The following STT3B variants were observed in gnomAD, a reference collection of about 807,000 sequenced individuals.
STT3B encodes the protein STT3 oligosaccharyltransferase complex catalytic subunit B.
In STT3B, 29 loss-of-function variants were observed where a neutral mutation model predicts 96.8. That is an observed-to-expected ratio of 0.30 (90% CI 0.22 to 0.41). The LOEUF is 0.41. Ranked by LOEUF, STT3B falls within the 10% of genes least tolerant of loss-of-function variation. STT3B has a pLI of 1.00. For synonymous variants in STT3B, 367 were observed against 360.0 expected (o/e 1.02, Z -0.22); for missense variants, 640 against 1,022.3 (o/e 0.63, Z 5.10).
At chr3:31,635,825 A>T (rs1699744948) in intron 15 of STT3B, among the ~76,000 whole-genome samples, 159 bp from the exon 16 acceptor site, 1 of 152,154 alleles carries the variant, frequency 6.6e-6, no homozygotes, top group Non-Finnish European at 1.5e-5. Context: ...AACACCACTA[A>T]CAGTTTAGTG....
At position 31,636,144 on chromosome 3, in the gene STT3B, C is replaced by T. The variant is rs1699751098; in HGVS notation, c.*80C>T. 2.7e-6 allele frequency: 3 copies of T among 1,117,722 alleles called. No homozygotes were observed. The highest frequency in any genetic ancestry group is 3.8e-6 in the Non-Finnish European group (3 of 781,568). 69.2% of individuals were successfully genotyped at this position (1,117,722 alleles called of 1,614,324 possible). A position where few individuals can be genotyped will look rare whatever the true frequency, so the allele number is the denominator to read the frequency against. On this transcript the variant is annotated 3_prime_UTR_variant, in exon 16 of 16. Transcript: ENST00000295770. ...TGCCTTTAGCTCATGTCGTGTTTCA[C>T]AGCAAAGAGGGTACAGAACCATCAC...
chr3:31,557,814 A>G (rs1697759553), intron 1 of STT3B, among the ~76,000 whole-genome samples: 2 of 151,990 alleles, frequency 1.3e-5, no homozygotes, highest in Admixed American at 6.5e-5. Flanking sequence ...TCACATTTTT[A>G]GTAGAGACAG....
At chr3:31,629,274 G>C in intron 13 of STT3B, 24 bp from the exon 14 acceptor site, 1 of 1,288,666 alleles carries the variant, frequency 7.8e-7, no homozygotes, top group Non-Finnish European at 1.1e-6. Flanking sequence ...AACTAACATA[G>C]AACTTGTGGT....
intron 1 of STT3B, among the ~76,000 whole-genome samples, chr3:31,552,216 G>A (rs960766163): frequency 1.3e-5 from 2 of 152,182 alleles, no homozygotes; most frequent in Non-Finnish European, 2.9e-5. Context: ...AATACCCTTC[G>A]TAAACCTTTC....
chr3:31,572,524 C>G (rs2125450299), intron 1 of STT3B, among the ~76,000 whole-genome samples: 1 of 152,170 alleles, frequency 6.6e-6, no homozygotes, highest in African/African-American at 2.4e-5. Flanking sequence ...ATTGTTCTTA[C>G]TATTGACTAA....
intron 5 of STT3B, among the ~76,000 whole-genome samples, chr3:31,606,171 A>T (rs987547049): frequency 2.6e-5 from 4 of 152,214 alleles, no homozygotes; most frequent in African/African-American, 9.6e-5. Context: ...TAAAAGGGAA[A>T]CAGAGCATAA....
At chr3:31,538,936 G>T (rs1279108061) in intron 1 of STT3B, among the ~76,000 whole-genome samples, 1 of 152,078 alleles carries the variant, frequency 6.6e-6, no homozygotes, top group Non-Finnish European at 1.5e-5. Flanking sequence ...ATACTGTAGG[G>T]TTTTTTGTTT....
At chr3:31,604,034 TA>T (rs1269026329) in intron 5 of STT3B, among the ~76,000 whole-genome samples, 1 of 152,172 alleles carries the variant, frequency 6.6e-6, no homozygotes, top group African/African-American at 2.4e-5. Context: ...ATTAGGTTAG[TA>T]ATTTAAGCAC....
intron 3 of STT3B, among the ~76,000 whole-genome samples, chr3:31,594,617 A>G (rs924711321): frequency 2.0e-5 from 3 of 151,876 alleles, no homozygotes; most frequent in Non-Finnish European, 4.4e-5. Flanking sequence ...TTTAGTAGAG[A>G]CGGGGTTTCA....
In STT3B at chr3:31,553,197, A is replaced by C. The variant is rs988206082; in HGVS notation, c.314+19885A>C. ...AGTGTAAATGGTAACTATTTTGGAG[A>C]ACTGTTTAGTATTTCTTAAATACGT... On this transcript the variant is annotated intron_variant, in intron 1 of 15. Transcript: ENST00000295770. Among the ~76,000 whole-genome samples, 4 of 152,198 alleles carry C rather than the reference A, an allele frequency of 2.6e-5. No individual in the cohort carries two copies. In the East Asian group the frequency reaches 7.7e-4, roughly 29 times the overall value.
chr3:31,575,324 C>G (rs988949364), intron 1 of STT3B, among the ~76,000 whole-genome samples: 1 of 151,976 alleles, frequency 6.6e-6, no homozygotes, highest in Non-Finnish European at 1.5e-5. Context: ...ATTAATAACT[C>G]TTTCAGAGTT....
intron 5 of STT3B, among the ~76,000 whole-genome samples, chr3:31,611,646 G>A (rs528511616): frequency 4.6e-5 from 7 of 152,058 alleles, no homozygotes; most frequent in South Asian, 2.1e-4. Context: ...ACAGGCACGC[G>A]CCACCACACC....
At chr3:31,631,188 G>A (rs962937279) in intron 14 of STT3B, among the ~76,000 whole-genome samples, 8 of 152,094 alleles carry the variant, frequency 5.3e-5, no homozygotes, top group African/African-American at 1.9e-4. Context: ...CTGTGTTCCT[G>A]TTTGTTGTGT....
At chr3:31,601,264 C>A (rs1207086820) in intron 5 of STT3B, among the ~76,000 whole-genome samples, 4 of 152,068 alleles carry the variant, frequency 2.6e-5, no homozygotes, top group African/African-American at 9.7e-5. Flanking sequence ...TTTATAGCAG[C>A]ATTTATTGTG....
At chr3:31,594,909 C>T (rs1698752046) in intron 3 of STT3B, among the ~76,000 whole-genome samples, 1 of 152,140 alleles carries the variant, frequency 6.6e-6, no homozygotes, top group Admixed American at 6.5e-5. Context: ...AGTTGGGGTG[C>T]ACCACCATCC....
intron 1 of STT3B, among the ~76,000 whole-genome samples, chr3:31,540,257 G>A (rs184653414): frequency 6.6e-4 from 101 of 152,214 alleles, no homozygotes; most frequent in African/African-American, 2.3e-3. Flanking sequence ...TAAAAAAATT[G>A]TGTGTACTGG....
chr3:31,635,911 C>A, intron 15 of STT3B, 73 bp from the exon 16 acceptor site: 1 of 1,115,692 alleles, frequency 9.0e-7, no homozygotes, highest in Non-Finnish European at 1.3e-6. Flanking sequence ...GTTCAGTAAA[C>A]CATGTGTGTG....
chr3:31,600,185 G>A lies in STT3B; in HGVS notation c.778-175G>A, dbSNP rs527795373. Among the ~76,000 whole-genome samples, 4 of 152,094 alleles carry A rather than the reference G, an allele frequency of 2.6e-5. No homozygotes were observed. In the East Asian group the frequency reaches 7.7e-4, roughly 29 times the overall value. ...ATTTGTGGGATCGTGTTATTTTAAT[G>A]ATCAATAAAAATGAGGAATACGTTC... On this transcript the variant is annotated intron_variant, in intron 4 of 15. Transcript: ENST00000295770.
At chr3:31,536,334 A>G (rs1697097777) in intron 1 of STT3B, among the ~76,000 whole-genome samples, 1 of 152,228 alleles carries the variant, frequency 6.6e-6, no homozygotes, top group African/African-American at 2.4e-5. Context: ...GATCACCATC[A>G]TATCATATAG....
Sources: allele counts gnomAD v4.1 joint callset (sites outside exome capture counted in the v4.1 genomes callset), GRCh38; gene constraint gnomAD v4.1.1; transcripts MANE v1.5; gene names NCBI Gene and HGNC (gene_info 2026-07-23, HGNC 2026-07-21).